Variants in SEC31A observed in about 807,000 individuals in gnomAD.
SEC31A encodes the protein SEC31 homolog A, COPII component.
In SEC31A, 70 loss-of-function variants were observed where a neutral mutation model predicts 151.0. The observed-to-expected ratio is 0.46, with a 90% CI of 0.38 to 0.57. SEC31A has a LOEUF of 0.57. Ranked by LOEUF, SEC31A falls within the 20% of genes least tolerant of loss-of-function variation. The pLI is 0.00. For synonymous variants in SEC31A, 475 were observed against 505.9 expected (o/e 0.94, Z 0.82); for missense variants, 1,330 against 1,471.2 (o/e 0.90, Z 1.57).
At position 82,831,095 on chromosome 4, in the gene SEC31A, A is replaced by G. The variant is rs1725839327; in HGVS notation, c.2969-2037T>C. The stretch of plus-strand genomic sequence containing the variant: ...CCCAGAAAGTGTAAATTAATTTAAT[A>G]AGAGAACAAAACTCACTTTTTAATC... On this transcript the variant is annotated intron_variant, in intron 22 of 26. Coordinates refer to ENST00000395310, the MANE Select transcript of SEC31A (RefSeq NM_001077207.4). The G allele has an allele frequency of 1.3e-5, 3 of 222,826 alleles. No homozygotes were observed. The South Asian group carries it at 3.1e-4, about 23-fold the overall frequency. 13.8% of individuals were successfully genotyped at this position (222,826 alleles called of 1,614,324 possible).
chr4:82,840,790 T>C (rs999090038), intron 22 of SEC31A, among the ~76,000 whole-genome samples: 1 of 152,102 alleles, frequency 6.6e-6, no homozygotes, highest in Non-Finnish European at 1.5e-5. Flanking sequence ...GTTCTAAACA[T>C]AGAAAAGGTA....
At chr4:82,867,046 C>T (rs1269051982) in intron 9 of SEC31A, 86 bp from the exon 10 acceptor site, 2 of 1,548,484 alleles carry the variant, frequency 1.3e-6, no homozygotes, top group African/African-American at 1.4e-5. Flanking sequence ...TTTTTGATCA[C>T]AATTGTCCAA....
intron 1 of SEC31A, among the ~76,000 whole-genome samples, chr4:82,883,930 CTT>C (rs1246356780): frequency 1.3e-5 from 2 of 149,530 alleles, no homozygotes; most frequent in African/African-American, 4.9e-5. Flanking sequence ...AACATATTTC[CTT>C]TTCTGTCATC....
chr4:82,850,745 A>G (rs911838326), intron 19 of SEC31A, among the ~76,000 whole-genome samples: 3 of 152,128 alleles, frequency 2.0e-5, no homozygotes, highest in Admixed American at 2.0e-4. Context: ...TACCCTTATC[A>G]CAGTACTTAT....
rs752241261 is a variant in SEC31A at position 82,819,245 on chromosome 4, T to C, written c.3492A>G (p.Pro1164=). 2.6e-6 allele frequency: 4 copies of C among 1,568,224 alleles called. No homozygotes were observed. The highest frequency in any genetic ancestry group is 3.5e-6 in the Non-Finnish European group (4 of 1,158,920). ...YDKLREQTLS[P]TITSGLHNIA... ...TGTTGTGTAAACCACTGGTGATTGTTGGTGAAAGCTGAAACAAAAGTGAAC... is the reference window on the plus strand; with the variant it reads ...TGTTGTGTAAACCACTGGTGATTGTCGGTGAAAGCTGAAACAAAAGTGAAC... The change falls in exon 27 of 27, where the codon CCA becomes CCG. Residue 1164 remains proline, a synonymous_variant. Transcript: ENST00000395310.
At chr4:82,864,678 G>T in intron 10 of SEC31A, 80 bp from the exon 11 acceptor site, 1 of 1,025,132 alleles carries the variant, frequency 9.8e-7, no homozygotes, top group Non-Finnish European at 1.5e-6. Context: ...GGCCTAAACA[G>T]ATAATCTGGA....
chr4:82,854,169 G>A (rs1464460417), intron 17 of SEC31A, among the ~76,000 whole-genome samples: 1 of 152,146 alleles, frequency 6.6e-6, no homozygotes, highest in Non-Finnish European at 1.5e-5. Context: ...TTCAAGACCA[G>A]CCTGGCCAAC....
At chr4:82,837,518 G>T in intron 22 of SEC31A, among the ~76,000 whole-genome samples, 1 of 151,856 alleles carries the variant, frequency 6.6e-6, no homozygotes, top group African/African-American at 2.4e-5. Flanking sequence ...CAAGTAGCTG[G>T]GAATATAGGC....
At chr4:82,845,589 A>T (rs544813950) in intron 20 of SEC31A, among the ~76,000 whole-genome samples, 17 of 152,308 alleles carry the variant, frequency 1.1e-4, no homozygotes, top group African/African-American at 3.8e-4. Context: ...AGTGTCAATT[A>T]TAAGTGGGTA....
chr4:82,879,311 C>T (rs1447381732), intron 3 of SEC31A, among the ~76,000 whole-genome samples: 4 of 148,358 alleles, frequency 2.7e-5, no homozygotes, highest in South Asian at 2.2e-4. Context: ...TCACTTCCCT[C>T]GAAAGGTAAA....
chr4:82,888,245 G>A (rs1741232957), intron 1 of SEC31A, among the ~76,000 whole-genome samples: 1 of 148,360 alleles, frequency 6.7e-6, no homozygotes. Context: ...GCGTGGTGGT[G>A]TGTACCTGTA....
At chr4:82,836,428 T>G (rs1364876684) in intron 22 of SEC31A, among the ~76,000 whole-genome samples, 1 of 151,526 alleles carries the variant, frequency 6.6e-6, no homozygotes, top group Non-Finnish European at 1.5e-5. Context: ...AAACAGATAT[T>G]TGCACATCCC....
At position 82,857,700 on chromosome 4, in the gene SEC31A, G is replaced by A. The variant is rs1732986953; in HGVS notation, c.1691C>T (p.Ser564Phe). ...LPSSGGTFNI[S>F]VSGDIDGLIT... The stretch of plus-strand genomic sequence containing the variant: ...CAACAAGTACTTACCCCCACTGACA[G>A]AGATATTAAATGTTCCTCCAGATGA... The change falls in exon 15 of 27, where the codon TCT becomes TTT. Residue 564 changes from serine (S) to phenylalanine (F), a missense_variant. Ser to Phe is a radical substitution (Grantham distance 155). Coordinates refer to ENST00000395310, the MANE Select transcript of SEC31A (RefSeq NM_001077207.4). 5 of 1,587,680 alleles carry A rather than the reference G, an allele frequency of 3.1e-6. No individual in the cohort carries two copies. The African/African-American group carries it at 6.7e-5, about 21-fold the overall frequency.
Position 82,878,759 on chromosome 4 carries a change from C to G in SEC31A, c.373G>C (p.Val125Leu). The G allele has an allele frequency of 6.2e-7, 1 of 1,614,104 alleles. No homozygotes were observed. The highest frequency in any genetic ancestry group is 1.1e-5 in the South Asian group (1 of 91,082). Residue 125 changes from valine (V) to leucine (L), a missense_variant, in exon 4 of 27, where the codon GTG (valine) becomes CTG (leucine). Val to Leu is a conservative substitution (Grantham distance 32, BLOSUM62 1). Coordinates refer to ENST00000395310, the MANE Select transcript of SEC31A (RefSeq NM_001077207.4). ...IAQNDKHTGP[V>L]RALDVNIFQT... ...AAAATGTTCACATCCAAGGCTCTCA[C>G]TGGGCCAGTATGCTTGTCATTCTGG...
intron 24 of SEC31A, among the ~76,000 whole-genome samples, chr4:82,826,542 AG>A (rs1156341622): frequency 6.6e-6 from 1 of 152,174 alleles, no homozygotes; most frequent in Non-Finnish European, 1.5e-5. Context: ...TAGTAGAGAC[AG>A]GGTTTCACCA....
intron 20 of SEC31A, among the ~76,000 whole-genome samples, chr4:82,844,788 G>C (rs1729693781): frequency 6.6e-6 from 1 of 152,046 alleles, no homozygotes; most frequent in Non-Finnish European, 1.5e-5. Context: ...ATGTCACCAG[G>C]ATTTTCCATC....
chr4:82,833,417 G>A (rs1049605000), intron 22 of SEC31A, among the ~76,000 whole-genome samples: 3 of 151,880 alleles, frequency 2.0e-5, no homozygotes, highest in African/African-American at 7.3e-5. Context: ...GGCTAGGGGA[G>A]GGATAACATT....
At chr4:82,881,568 C>T (rs974712991) in intron 2 of SEC31A, among the ~76,000 whole-genome samples, 3 of 151,964 alleles carry the variant, frequency 2.0e-5, no homozygotes, top group Admixed American at 6.6e-5. Flanking sequence ...GCTCTTCATT[C>T]ATTCAAACTG....
chr4:82,830,667 T>C (rs1159258771), intron 22 of SEC31A, among the ~76,000 whole-genome samples: 1 of 152,218 alleles, frequency 6.6e-6, no homozygotes, highest in Non-Finnish European at 1.5e-5. Context: ...TTTCTAGTCT[T>C]ACCCGTAGCT....
Sources: gnomAD v4.1 joint callset for allele counts (sites outside exome capture counted in the v4.1 genomes callset) on GRCh38, gnomAD v4.1.1 for gene constraint, MANE v1.5 for transcripts, NCBI Gene and HGNC (gene_info 2026-07-23, HGNC 2026-07-21) for gene names.